Variants in SYCP2L observed in about 807,000 individuals in gnomAD.
The protein encoded by SYCP2L is synaptonemal complex protein 2 like.
In SYCP2L, 98 loss-of-function variants were observed where a neutral mutation model predicts 125.8. The observed-to-expected ratio is 0.78, with a 90% CI of 0.66 to 0.92. The LOEUF (loss-of-function observed/expected upper bound fraction) is 0.92. SYCP2L is among the 40% of genes least tolerant of loss of function. The probability of loss-of-function intolerance (pLI) is 0.00; values close to 1 mark genes in which losing one functional copy is unlikely to be tolerated. For missense variants in SYCP2L, 842 were observed against 936.4 expected (o/e 0.90, Z 1.32); for synonymous variants, 317 against 325.4 (o/e 0.97, Z 0.28).
chr6:10,934,476 T>G (rs1781057052), intron 20 of SYCP2L, among the ~76,000 whole-genome samples: 1 of 152,136 alleles, frequency 6.6e-6, no homozygotes, highest in Non-Finnish European at 1.5e-5. Context: ...GTCAGGAGTT[T>G]GAGGCCAGCC....
chr6:10,961,237 C>G, intron 26 of SYCP2L, 68 bp from the exon 27 acceptor site: 2 of 1,250,884 alleles, frequency 1.6e-6, no homozygotes, highest in Admixed American at 1.8e-5. Flanking sequence ...AATCAGATGA[C>G]TTATTAAGAA....
chr6:10,966,363 G>A (rs781651276), intron 29 of SYCP2L, among the ~76,000 whole-genome samples: 14 of 152,058 alleles, frequency 9.2e-5, no homozygotes, highest in Non-Finnish European at 1.0e-4. Flanking sequence ...TTTTGAATTT[G>A]CATAAAACCT....
chr6:10,957,232 A>G lies in SYCP2L; in HGVS notation c.2163+990A>G, dbSNP rs150784235. Among the ~76,000 whole-genome samples the G allele has an allele frequency of 2.8e-3, 428 of 152,346 alleles. 1 individual carries two copies. Among genetic ancestry groups the G allele is most frequent in the African/African-American group, 1.0e-2 (414 of 41,572 alleles). Reference sequence around the variant, plus strand: ...AGTAACAAGTTCATATTACTTATCAATGCTGTTGTTGACCTTCATATGTGA... The same window carrying G: ...AGTAACAAGTTCATATTACTTATCAGTGCTGTTGTTGACCTTCATATGTGA... On this transcript the variant is annotated intron_variant, in intron 25 of 29. Transcript: ENST00000283141.
chr6:10,903,495 C>T (rs1250075725), intron 8 of SYCP2L, among the ~76,000 whole-genome samples: 1 of 152,128 alleles, frequency 6.6e-6, no homozygotes, highest in African/African-American at 2.4e-5. Context: ...TTGCAGTGAG[C>T]CGAGATCGCG....
chr6:10,902,855 G>A lies in SYCP2L; in HGVS notation c.553-20G>A. The A allele has an allele frequency of 1.2e-6, 2 of 1,613,424 alleles. No individual in the cohort carries two copies. The highest frequency in any genetic ancestry group is 1.7e-4 in the Middle Eastern group (1 of 6,056). ...TCTGTTTTCTTTCTTCTCCATGAAT[G>A]TCTTCTCAATTCCAAAAAGGGCTTG... is the stretch of plus-strand genomic sequence containing the variant. On this transcript the variant is annotated intron_variant, in intron 7 of 29. Transcript: ENST00000283141.
intron 23 of SYCP2L, among the ~76,000 whole-genome samples, chr6:10,945,156 T>C (rs1781287960): frequency 6.6e-6 from 1 of 152,244 alleles, no homozygotes; most frequent in Admixed American, 6.5e-5. Context: ...GAGAACATAG[T>C]CTGTATGATT....
intron 20 of SYCP2L, among the ~76,000 whole-genome samples, chr6:10,933,990 C>T (rs1781046339): frequency 6.6e-6 from 1 of 152,112 alleles, no homozygotes; most frequent in Admixed American, 6.6e-5. Context: ...TCACTAGGAT[C>T]ATTAGGCAGA....
intron 14 of SYCP2L, among the ~76,000 whole-genome samples, chr6:10,913,255 A>G (rs1362354833): frequency 6.6e-6 from 1 of 152,294 alleles, no homozygotes; most frequent in East Asian, 1.9e-4. Context: ...TGATGGGGAG[A>G]GGAGAACATG....
At position 10,907,892 on chromosome 6, in the gene SYCP2L, G is replaced by GTTTTTTTTTTTTTT. The variant is rs551103839; in HGVS notation, c.819+213_819+226dup. Reference sequence around the variant, plus strand: ...GAGCTAGATATAGGGATACAGATAGGTTTTTTTTTTTTTTTTTTGACAGAG... The same window carrying GTTTTTTTTTTTTTT: ...GAGCTAGATATAGGGATACAGATAGGTTTTTTTTTTTTTTTTTTTTTTTTTTTTTTTTGACAGAG... On this transcript the variant is annotated intron_variant, in intron 10 of 29. Transcript: ENST00000283141. Among the ~76,000 whole-genome samples the GTTTTTTTTTTTTTT allele has an allele frequency of 7.1e-4, 65 of 91,922 alleles. 9 individuals carry two copies. The highest frequency in any genetic ancestry group is 1.1e-3 in the African/African-American group (27 of 24,146). 60.3% of individuals were successfully genotyped at this position (91,922 alleles called of 152,430 possible). A position where few individuals can be genotyped will look rare whatever the true frequency, so the allele number is the denominator to read the frequency against.
At chr6:10,927,024 G>T (rs557016311) in intron 16 of SYCP2L, among the ~76,000 whole-genome samples, 2 of 152,148 alleles carry the variant, frequency 1.3e-5, no homozygotes, top group South Asian at 2.1e-4. Flanking sequence ...CAAGTGATCT[G>T]CCCATTTTGG....
At chr6:10,958,661 T>A (rs1404066261) in intron 25 of SYCP2L, 123 bp from the exon 26 acceptor site, 2 of 867,860 alleles carry the variant, frequency 2.3e-6, no homozygotes, top group African/African-American at 3.4e-5. Flanking sequence ...TCACACTTGC[T>A]TAGCACTCAC....
At position 10,898,832 on chromosome 6, in the gene SYCP2L, C is replaced by T; in HGVS notation, c.450C>T (p.Ser150=). 1 of 1,396,778 alleles carries T rather than the reference C, an allele frequency of 7.2e-7. No homozygotes were observed. Among genetic ancestry groups the T allele is most frequent in the African/African-American group, 1.4e-5 (1 of 70,408 alleles). The allele number at this position is 1,396,778 out of a possible 1,614,324, so 86.5% of individuals were successfully genotyped here. ...EDFFDTALII[S]RSSSEGKIQM... The stretch of plus-strand genomic sequence containing the variant: ...TTCTTTCTTTTTGTTAGATTATTTC[C>T]AGGAGTAGTAGTGAAGGTAAGTATA... Residue 150 remains serine, a synonymous_variant, in exon 6 of 30, where the codon TCC becomes TCT. Transcript: ENST00000283141.
rs367786183 is a variant in SYCP2L at position 10,904,699 on chromosome 6, A to T, written c.642-1321A>T. Among the ~76,000 whole-genome samples, 5 of 152,342 alleles carry T rather than the reference A, an allele frequency of 3.3e-5. No individual in the cohort carries two copies. In the East Asian group the frequency reaches 7.7e-4, roughly 24 times the overall value. ...GGTAAAACCTGCAAGTATAAAATTAAGCAGAATTAATTTCGCTCAGTGGTA... is the reference window on the plus strand; with the variant it reads ...GGTAAAACCTGCAAGTATAAAATTATGCAGAATTAATTTCGCTCAGTGGTA... On this transcript the variant is annotated intron_variant, in intron 8 of 29. Coordinates refer to ENST00000283141, the MANE Select transcript of SYCP2L (RefSeq NM_001040274.3).
At chr6:10,951,078 A>G (rs1242963690) in intron 23 of SYCP2L, among the ~76,000 whole-genome samples, 6 of 152,190 alleles carry the variant, frequency 3.9e-5, no homozygotes, top group Admixed American at 3.9e-4. Flanking sequence ...CCCGGCATAT[A>G]GACACACTCC....
chr6:10,969,959 T>C (rs1366253725), intron 29 of SYCP2L, among the ~76,000 whole-genome samples: 2 of 152,198 alleles, frequency 1.3e-5, no homozygotes, highest in African/African-American at 2.4e-5. Flanking sequence ...CTAAGTCTTT[T>C]AGGTGCCAGG....
intron 29 of SYCP2L, among the ~76,000 whole-genome samples, chr6:10,964,886 G>T (rs7753995): frequency 0.059 from 9,040 of 152,180 alleles, 874 homozygotes; most frequent in African/African-American, 0.2. Context: ...TAGACTTGTG[G>T]TTTAAAGTAA....
chr6:10,898,927 T>C (rs1780330907), intron 6 of SYCP2L, 79 bp downstream of exon 6: 1 of 908,880 alleles, frequency 1.1e-6, no homozygotes, highest in African/African-American at 1.7e-5. Context: ...AGAAAAATGA[T>C]ATGTAAAAGT....
At chr6:10,938,966 A>G (rs1450603269) in intron 21 of SYCP2L, among the ~76,000 whole-genome samples, 2 of 152,014 alleles carry the variant, frequency 1.3e-5, no homozygotes, top group African/African-American at 2.4e-5. Flanking sequence ...TAAAAATACA[A>G]CATATTAGCT....
chr6:10,942,640 A>C (rs367809675), intron 22 of SYCP2L, 37 bp from the exon 23 acceptor site: 1 of 1,610,690 alleles, frequency 6.2e-7, no homozygotes, highest in East Asian at 2.2e-5. Flanking sequence ...TTGCTTTGCC[A>C]TAAAGGACGT....
Sources: allele counts gnomAD v4.1 joint callset (sites outside exome capture counted in the v4.1 genomes callset), GRCh38; gene constraint gnomAD v4.1.1; transcripts MANE v1.5; gene names NCBI Gene and HGNC (gene_info 2026-07-23, HGNC 2026-07-21).